The following APOO variants were observed in gnomAD, a reference collection of about 807,000 sequenced individuals.
The protein encoded by APOO is apolipoprotein O, also known as MICOS complex subunit MIC26.
In APOO, 11 loss-of-function variants were observed where a neutral mutation model predicts 23.1. The ratio of observed to expected loss-of-function variants is 0.48; its 90% confidence interval spans 0.30 to 0.79. The LOEUF is 0.79. Among genes scored for constraint, APOO ranks in the 30% least tolerant of loss-of-function variants. The pLI is 0.07. For synonymous variants in APOO, 59 were observed against 54.8 expected (o/e 1.08, Z -0.34); for missense variants, 160 against 142.7 (o/e 1.12, Z -0.62).
intron 1 of APOO, among the ~76,000 whole-genome samples, chrX:23,891,913 T>C (rs1479029185): frequency 5.5e-5 from 6 of 108,423 alleles, no homozygotes; most frequent in Non-Finnish European, 9.5e-5. Flanking sequence ...TATATAATAC[T>C]TTATGTATTT....
chrX:23,851,318 G>C (rs1338261843), intron 7 of APOO, among the ~76,000 whole-genome samples: 1 of 110,196 alleles, frequency 9.1e-6, no homozygotes, highest in Non-Finnish European at 1.9e-5. Flanking sequence ...TCAGCCTCCC[G>C]AGTAGCTGGG....
chrX:23,854,582 G>A (rs773636990), intron 7 of APOO, among the ~76,000 whole-genome samples: 1 of 111,522 alleles, frequency 9.0e-6, no homozygotes, highest in Non-Finnish European at 1.9e-5. Flanking sequence ...GTACAGTGGC[G>A]CAATCTTGGC....
intron 1 of APOO, among the ~76,000 whole-genome samples, chrX:23,904,493 T>C (rs1185093285): frequency 9.6e-6 from 1 of 104,023 alleles, no homozygotes; most frequent in East Asian, 3.0e-4. Context: ...GATGGGTCCT[T>C]GATGACACTG....
chrX:23,836,605 GC>G, intron 8 of APOO: 1 of 690,608 alleles, frequency 1.4e-6, no homozygotes, highest in Non-Finnish European at 2.1e-6. Flanking sequence ...GAGCCACCAC[GC>G]CCAGCCCCAG....
chrX:23,901,720 T>C (rs1927140301), intron 1 of APOO, among the ~76,000 whole-genome samples: 1 of 112,516 alleles, frequency 8.9e-6, no homozygotes, highest in Non-Finnish European at 1.9e-5. Flanking sequence ...TCACATTTCT[T>C]CAGCCCTTAC....
chrX:23,904,139 C>T (rs1051389007), intron 1 of APOO, among the ~76,000 whole-genome samples: 1 of 111,811 alleles, frequency 8.9e-6, no homozygotes, highest in Non-Finnish European at 1.9e-5. Context: ...CTTATATCTC[C>T]GTCATGGACA....
intron 5 of APOO, among the ~76,000 whole-genome samples, chrX:23,866,384 T>C (rs1925335976): frequency 8.9e-6 from 1 of 112,092 alleles, no homozygotes; most frequent in Admixed American, 9.5e-5. Context: ...CTGCATGAGA[T>C]GGGAGGAGGG....
At chrX:23,851,047 T>C (rs902171301) in intron 7 of APOO, among the ~76,000 whole-genome samples, 8 of 111,019 alleles carry the variant, frequency 7.2e-5, no homozygotes, top group South Asian at 3.7e-4. Flanking sequence ...GGCTCAACAA[T>C]AGTATTTCAG....
At chrX:23,881,445 G>A (rs902960818) in intron 1 of APOO, among the ~76,000 whole-genome samples, 2 of 105,807 alleles carry the variant, frequency 1.9e-5, no homozygotes, top group Non-Finnish European at 3.9e-5. Context: ...CTACTCAGGA[G>A]ACTGAGGTGG....
In APOO at chrX:23,905,741, T is replaced by C. The variant is rs994718646; in HGVS notation, c.9+1953A>G. On this transcript the variant is annotated intron_variant, in intron 1 of 8. Coordinates refer to ENST00000379226, the MANE Select transcript of APOO (RefSeq NM_024122.5). ...TTATTTTTTAAACTCAAATATCTGA[T>C]ATAAGCAGTATGTGCTTCTTTACTA... Among the ~76,000 whole-genome samples the C allele has an allele frequency of 6.2e-5, 7 of 112,734 alleles. No individual in the cohort carries two copies. In the East Asian group the frequency reaches 1.4e-3, roughly 22 times the overall value.
At chrX:23,904,709 T>C (rs1353282224) in intron 1 of APOO, among the ~76,000 whole-genome samples, 2 of 110,028 alleles carry the variant, frequency 1.8e-5, no homozygotes, top group African/African-American at 3.3e-5. Context: ...GGTTTCACCA[T>C]GTTAGCCAGG....
intron 1 of APOO, among the ~76,000 whole-genome samples, chrX:23,881,981 G>C (rs57152153): frequency 1.1e-5 from 1 of 90,055 alleles, no homozygotes; most frequent in Non-Finnish European, 2.2e-5. Context: ...AAAAAATTCA[G>C]ACCCCTCCTG....
chrX:23,907,624 G>C lies in APOO; in HGVS notation c.9+70C>G, dbSNP rs1247259490. On this transcript the variant is annotated intron_variant, in intron 1 of 8. Coordinates refer to ENST00000379226, the MANE Select transcript of APOO (RefSeq NM_024122.5). ...AGGCCTGGCTGCAGAGAGGCCCCAA[G>C]AGAGCGCGGGGAGGGCTCGGGCGGC... 5.4e-6 allele frequency: 6 copies of C among 1,106,857 alleles called. No individual in the cohort carries two copies. The African/African-American group carries it at 9.2e-5, about 17-fold the overall frequency. 91.2% of individuals were successfully genotyped at this position (1,106,857 alleles called of 1,213,427 possible). A position where few individuals can be genotyped will look rare whatever the true frequency, so the allele number is the denominator to read the frequency against.
intron 7 of APOO, among the ~76,000 whole-genome samples, chrX:23,851,890 C>T (rs1431102289): frequency 1.8e-5 from 2 of 111,892 alleles, no homozygotes; most frequent in African/African-American, 6.5e-5. Flanking sequence ...TGCCATCATT[C>T]CTAATTTAAA....
chrX:23,895,120 CAG>C (rs1926841643), intron 1 of APOO, among the ~76,000 whole-genome samples: 2 of 108,247 alleles, frequency 1.8e-5, no homozygotes. Context: ...GCCTGGGTGA[CAG>C]AGTGAGACTC....
chrX:23,837,958 C>CCTATCTAT (rs76055034), intron 8 of APOO, among the ~76,000 whole-genome samples: 3,125 of 94,941 alleles, frequency 0.033, 53 homozygotes, highest in Middle Eastern at 0.042. Flanking sequence ...CTGCACCCGG[C>CCTATCTAT]CTATCTATCT....
intron 1 of APOO, among the ~76,000 whole-genome samples, chrX:23,887,546 T>C (rs927313576): frequency 3.6e-5 from 4 of 110,789 alleles, no homozygotes; most frequent in Non-Finnish European, 7.6e-5. Context: ...CCAAACTTTT[T>C]CTGATGCAGG....
chrX:23,852,544 G>A (rs957695484), intron 7 of APOO, among the ~76,000 whole-genome samples: 2 of 109,127 alleles, frequency 1.8e-5, no homozygotes, highest in Non-Finnish European at 3.8e-5. Context: ...AACCCGGGAG[G>A]CGGAGGTTGC....
Position 23,895,202 on chromosome X carries a change from T to C in APOO, c.9+12492A>G, listed in dbSNP as rs1225826829. Among the ~76,000 whole-genome samples the C allele has an allele frequency of 2.7e-5, 3 of 111,141 alleles. No individual in the cohort carries two copies. The East Asian group carries it at 8.4e-4, about 31-fold the overall frequency. On this transcript the variant is annotated intron_variant, in intron 1 of 8. Coordinates refer to ENST00000379226, the MANE Select transcript of APOO (RefSeq NM_024122.5). ...CACAAAGATGAGAAAATGGCATCTG[T>C]ACGCCTATGTTTATTGCAGCACTAT...
Sources: allele counts gnomAD v4.1 joint callset (sites outside exome capture counted in the v4.1 genomes callset), GRCh38; gene constraint gnomAD v4.1.1; transcripts MANE v1.5; gene names NCBI Gene and HGNC (gene_info 2026-07-23, HGNC 2026-07-21).